The following DNMT3A variants were observed in gnomAD, a reference collection of about 807,000 sequenced individuals.
DNMT3A encodes the protein DNA methyltransferase 3 alpha.
A neutral mutation model predicts 117.6 loss-of-function variants in DNMT3A; 267 were observed. The observed-to-expected ratio is 2.27, with a 90% CI of 2.05 to 2.51. The LOEUF is 2.51. DNMT3A is among the 30% of genes most tolerant of loss of function. The pLI is 0.00. For synonymous variants in DNMT3A, 432 were observed against 474.8 expected (o/e 0.91, Z 1.17); for missense variants, 1,029 against 1,260.2 (o/e 0.82, Z 2.78).
intron 2 of DNMT3A, among the ~76,000 whole-genome samples, chr2:25,307,026 C>T (rs1370004445): frequency 1.3e-5 from 2 of 152,194 alleles, no homozygotes; most frequent in South Asian, 4.1e-4. Flanking sequence ...CCTCTCTAAG[C>T]CCCAGTTCCT....
chr2:25,234,327 G>T lies in DNMT3A; in HGVS notation c.2691C>A (p.Val897=), dbSNP rs1673082096. 2 of 1,614,114 alleles carry T rather than the reference G, an allele frequency of 1.2e-6. No individual in the cohort carries two copies. The highest frequency in any genetic ancestry group is 1.1e-5 in the South Asian group (1 of 91,056). Residue 897 remains valine, a synonymous_variant, in exon 23 of 23, where the codon GTC becomes GTA. Coordinates refer to ENST00000321117, the MANE Select transcript of DNMT3A (RefSeq NM_022552.5). The surrounding 1 kb of genome is among the most constrained non-coding windows in gnomAD (Gnocchi z 4.5). Reference sequence around the variant, plus strand: ...TCAGCGGAGCGAAGAGGTGGCGGATGACTGGCACGCTCCATGACCGGCCCA... The same window carrying T: ...TCAGCGGAGCGAAGAGGTGGCGGATTACTGGCACGCTCCATGACCGGCCCA... The part of the protein sequence containing the change: ...RLLGRSWSVP[V]IRHLFAPLKE...
Position 25,300,004 on chromosome 2 carries a change from G to A in DNMT3A, c.177+135C>T. ...GGATTTGAAGAATGGGGTACCTGCA[G>A]CTGGAGGGGTATACCCCATCACCTG... On this transcript the variant is annotated intron_variant, in intron 3 of 22. Coordinates refer to ENST00000321117, the MANE Select transcript of DNMT3A (RefSeq NM_022552.5). The A allele has an allele frequency of 5.5e-6, 4 of 723,556 alleles. No homozygotes were observed. The South Asian group carries it at 9.6e-5, about 17-fold the overall frequency. 44.8% of individuals were successfully genotyped at this position (723,556 alleles called of 1,614,324 possible).
chr2:25,278,605 C>T (rs2031646008), intron 4 of DNMT3A, among the ~76,000 whole-genome samples: 1 of 152,218 alleles, frequency 6.6e-6, no homozygotes, highest in East Asian at 1.9e-4. Context: ...GTGGGCAGAT[C>T]ACTTGAGATC....
In DNMT3A at chr2:25,232,663, G is replaced by A. The variant is rs934642995; in HGVS notation, c.*1616C>T. On this transcript the variant is annotated 3_prime_UTR_variant, in exon 23 of 23. Transcript: ENST00000321117. This position sits in a 1 kb window ranked among gnomAD's most constrained non-coding sequence, Gnocchi z 4.1. ...AGTGGCCCACCTGGCCCGAGGGGTG[G>A]GAGCCAGGGCACCAGAGCCACCGCT... is the stretch of plus-strand genomic sequence containing the variant. 5.0e-5 allele frequency: 8 copies of A among 161,142 alleles called. No homozygotes were observed. Among genetic ancestry groups the A allele is most frequent in the Non-Finnish European group, 1.1e-4 (8 of 73,114 alleles). The allele number at this position is 161,142 out of a possible 1,614,324, so 10.0% of individuals were successfully genotyped here.
rs370538002 is a variant in DNMT3A, at chr2:25,331,189, G to A, written c.-178+10637C>T. Among the ~76,000 whole-genome samples the A allele has an allele frequency of 1.5e-4, 23 of 152,344 alleles. No homozygotes were observed. The East Asian group carries it at 4.4e-3, about 29-fold the overall frequency. The stretch of plus-strand genomic sequence containing the variant: ...ATGACACGCAGCAAGGAGGTGGCAG[G>A]GGTGAGGTGAAACCATCATCTGTCC... On this transcript the variant is annotated intron_variant, in intron 1 of 22. Transcript: ENST00000321117.
intron 6 of DNMT3A, among the ~76,000 whole-genome samples, chr2:25,274,045 G>A (rs1265112226): frequency 1.3e-5 from 2 of 152,004 alleles, no homozygotes; most frequent in Admixed American, 6.6e-5. Flanking sequence ...CACCTCTGTC[G>A]CCCGTACTTC....
In DNMT3A at chr2:25,236,223, G is replaced by A. The variant is rs1673353370; in HGVS notation, c.2479-398C>T. On this transcript the variant is annotated intron_variant, in intron 21 of 22. Coordinates refer to ENST00000321117, the MANE Select transcript of DNMT3A (RefSeq NM_022552.5). This position sits in a 1 kb window ranked among gnomAD's most constrained non-coding sequence, Gnocchi z 4.5. ...TGGGACTACAGGCGCCCGCCACCAT[G>A]CCTGGCTAATTTTTATATTTTTAGT... Among the ~76,000 whole-genome samples the A allele has an allele frequency of 6.6e-6, 1 of 152,164 alleles. No individual in the cohort carries two copies. Among genetic ancestry groups the A allele is most frequent in the African/African-American group, 2.4e-5 (1 of 41,432 alleles).
intron 6 of DNMT3A, among the ~76,000 whole-genome samples, chr2:25,261,397 C>T (rs1261547306): frequency 1.4e-5 from 2 of 147,880 alleles, no homozygotes; most frequent in African/African-American, 5.0e-5. Context: ...CAAGACCATG[C>T]CACTGCACTC....
At chr2:25,334,346 G>A (rs906159454) in intron 1 of DNMT3A, among the ~76,000 whole-genome samples, 1 of 152,190 alleles carries the variant, frequency 6.6e-6, no homozygotes, top group African/African-American at 2.4e-5. Context: ...CTAGATCAGA[G>A]TTGAACCCAC....
chr2:25,341,187 C>G (rs2149457877), intron 1 of DNMT3A, among the ~76,000 whole-genome samples: 1 of 145,376 alleles, frequency 6.9e-6, no homozygotes, highest in African/African-American at 2.5e-5. Flanking sequence ...GTCCCCCGCC[C>G]CGCGGGGCCG....
In DNMT3A at chr2:25,248,150, G is replaced by A. The variant is rs772648943; in HGVS notation, c.742C>T (p.Gln248Ter). ...KVEEASPPAV[Q>*]QPTDPASPTV... ...GGGGATGCGGGGTCAGTGGGCTGCTGCACAGCAGGAGGGCTGGCCTCCTCC... is the reference window on the plus strand; with the variant it reads ...GGGGATGCGGGGTCAGTGGGCTGCTACACAGCAGGAGGGCTGGCCTCCTCC... Residue 248 changes from glutamine (Q) to a stop codon, truncating the protein, a stop_gained, in exon 7 of 23, where the codon CAG becomes TAG. Coordinates refer to ENST00000321117, the MANE Select transcript of DNMT3A (RefSeq NM_022552.5). LOFTEE classifies it high-confidence loss of function. The A allele has an allele frequency of 1.9e-6, 3 of 1,613,864 alleles. No homozygotes were observed. Among genetic ancestry groups the A allele is most frequent in the African/African-American group, 1.3e-5 (1 of 75,052 alleles).
Position 25,240,372 on chromosome 2 carries a change from A to G in DNMT3A, c.2252T>C (p.Phe751Ser), listed in dbSNP as rs765813304. 1.2e-6 allele frequency: 2 copies of G among 1,614,156 alleles called. No individual in the cohort carries two copies. The highest frequency in any genetic ancestry group is 1.3e-5 in the African/African-American group (1 of 75,058). Residue 751 changes from phenylalanine (F) to serine (S), a missense_variant, in exon 19 of 23, where the codon TTC (phenylalanine) becomes TCC (serine). Transcript: ENST00000321117. ...ARPKEGDDRP[F>S]FWLFENVVAM... Reference sequence around the variant, plus strand: ...CACCACATTCTCAAAGAGCCAGAAGAAGGGGCGATCATCTCCCTCCTTGGG... The same window carrying G: ...CACCACATTCTCAAAGAGCCAGAAGGAGGGGCGATCATCTCCCTCCTTGGG...
intron 20 of DNMT3A, 140 bp downstream of exon 20, chr2:25,238,990 G>A: frequency 3.0e-6 from 2 of 673,444 alleles, no homozygotes; most frequent in Non-Finnish European, 2.5e-6. Context: ...CAAGGAAAAG[G>A]AAATAAGGAA....
intron 3 of DNMT3A, 104 bp downstream of exon 3, chr2:25,300,035 A>T: frequency 8.0e-7 from 1 of 1,250,046 alleles, no homozygotes; most frequent in Non-Finnish European, 1.1e-6. Flanking sequence ...ACCTGGTCTT[A>T]AATGTCTCCA....
rs1431291418 is a variant in DNMT3A, at chr2:25,237,891, CTT to C, written c.2409-888_2409-887del. On this transcript the variant is annotated intron_variant, in intron 20 of 22. Coordinates refer to ENST00000321117, the MANE Select transcript of DNMT3A (RefSeq NM_022552.5). The surrounding 1 kb of genome is among the most constrained non-coding windows in gnomAD (Gnocchi z 5.4). ...ACTGGCTGTCCCCTTCAACGCTGAC[CTT>C]TTCTGACATGTAAGGATATTTAAGG... Among the ~76,000 whole-genome samples the C allele has an allele frequency of 6.6e-6, 1 of 152,200 alleles. No homozygotes were observed. The highest frequency in any genetic ancestry group is 2.4e-5 in the African/African-American group (1 of 41,442).
At chr2:25,340,057 G>A (rs1045045702) in intron 1 of DNMT3A, among the ~76,000 whole-genome samples, 1 of 152,248 alleles carries the variant, frequency 6.6e-6, no homozygotes, top group Non-Finnish European at 1.5e-5. Context: ...GTCACAGGGC[G>A]GACAGCGCTT....
At chr2:25,279,164 G>A (rs1459247164) in intron 4 of DNMT3A, among the ~76,000 whole-genome samples, 1 of 152,154 alleles carries the variant, frequency 6.6e-6, no homozygotes, top group Non-Finnish European at 1.5e-5. Context: ...GACAAGCACA[G>A]GCCTGTCGGG....
intron 3 of DNMT3A, among the ~76,000 whole-genome samples, chr2:25,299,221 G>C (rs561405875): frequency 6.6e-6 from 1 of 152,188 alleles, no homozygotes; most frequent in Admixed American, 6.5e-5. Flanking sequence ...TACAGCCCAG[G>C]GGTCTTGTTC....
chr2:25,292,586 C>A (rs1303156038), intron 3 of DNMT3A, among the ~76,000 whole-genome samples: 2 of 152,120 alleles, frequency 1.3e-5, no homozygotes, highest in African/African-American at 4.8e-5. Flanking sequence ...CTGTGCTCAG[C>A]CCGCCGCACC....
Sources: gnomAD v4.1 joint callset for allele counts (sites outside exome capture counted in the v4.1 genomes callset) on GRCh38, gnomAD v4.1.1 for gene constraint, Gnocchi (gnomAD v3.1) non-coding constraint, MANE v1.5 for transcripts, NCBI Gene and HGNC (gene_info 2026-07-23, HGNC 2026-07-21) for gene names.